COL19A1: variants seen among roughly 807,000 people sequenced by gnomAD.
COL19A1 encodes the protein collagen alpha-1(XIX) chain.
A neutral mutation model predicts 190.2 loss-of-function variants in COL19A1; 159 were observed. That is an observed-to-expected ratio of 0.84 (90% CI 0.73 to 0.95). The LOEUF is 0.95. COL19A1 is among the 40% of genes least tolerant of loss of function. COL19A1 has a pLI of 0.00. For synonymous variants in COL19A1, 509 were observed against 458.9 expected (o/e 1.11, Z -1.39); for missense variants, 1,418 against 1,431.9 (o/e 0.99, Z 0.16).
At chr6:69,993,524 T>G (rs28834175) in intron 11 of COL19A1, among the ~76,000 whole-genome samples, 2 of 152,108 alleles carry the variant, frequency 1.3e-5, no homozygotes, top group Non-Finnish European at 1.5e-5. Context: ...GTAGTTTCAG[T>G]AGGATTGGTA....
At chr6:70,151,530 T>C (rs1282992485) in intron 31 of COL19A1, 92 bp downstream of exon 31, 3 of 1,244,498 alleles carry the variant, frequency 2.4e-6, no homozygotes, top group Admixed American at 1.8e-5. Flanking sequence ...ATTGCTTAGC[T>C]GGAACTAAAA....
At chr6:70,032,438 C>T (rs1779125953) in intron 12 of COL19A1, among the ~76,000 whole-genome samples, 1 of 151,890 alleles carries the variant, frequency 6.6e-6, no homozygotes, top group Admixed American at 6.6e-5. Flanking sequence ...TAAAGTCGTA[C>T]TAATCAATAG....
At chr6:70,160,530 A>G (rs572118485) in intron 34 of COL19A1, among the ~76,000 whole-genome samples, 32 of 152,152 alleles carry the variant, frequency 2.1e-4, no homozygotes, top group Non-Finnish European at 4.0e-4. Context: ...TTTCCCAAGC[A>G]AATTCATTTG....
chr6:70,129,302 G>A (rs896738537), intron 17 of COL19A1, among the ~76,000 whole-genome samples: 17 of 152,202 alleles, frequency 1.1e-4, no homozygotes, highest in African/African-American at 3.9e-4. Flanking sequence ...AGAATAGGTA[G>A]GTAGTCAGAG....
intron 16 of COL19A1, among the ~76,000 whole-genome samples, chr6:70,121,168 G>A (rs1353115005): frequency 3.3e-5 from 5 of 152,030 alleles, no homozygotes; most frequent in African/African-American, 1.2e-4. Context: ...GCTAATCTTT[G>A]TGTTTTTTTA....
chr6:69,883,646 A>T (rs886860025), intron 2 of COL19A1, among the ~76,000 whole-genome samples: 2 of 152,148 alleles, frequency 1.3e-5, no homozygotes, highest in Non-Finnish European at 2.9e-5. Context: ...CCCTCACTAA[A>T]CTGCAAAGAG....
intron 2 of COL19A1, among the ~76,000 whole-genome samples, chr6:69,888,162 G>A (rs6940876): frequency 0.16 from 23,796 of 152,098 alleles, 2,191 homozygotes; most frequent in East Asian, 0.24. Context: ...TTGCATTACC[G>A]TTTAGAGTTT....
chr6:70,151,135 T>G (rs1349676392), intron 30 of COL19A1, among the ~76,000 whole-genome samples: 1 of 152,188 alleles, frequency 6.6e-6, no homozygotes, highest in Non-Finnish European at 1.5e-5. Context: ...AAAATAGGGA[T>G]GCACAGTCAA....
chr6:70,188,768 A>G (rs1247940218), intron 47 of COL19A1, among the ~76,000 whole-genome samples: 1 of 152,228 alleles, frequency 6.6e-6, no homozygotes, highest in East Asian at 1.9e-4. Context: ...AAGGAAGCCC[A>G]TATCTTTATT....
intron 11 of COL19A1, among the ~76,000 whole-genome samples, chr6:69,973,598 TA>T (rs995503583): frequency 2.0e-5 from 3 of 147,864 alleles, no homozygotes; most frequent in South Asian, 4.5e-4. Flanking sequence ...TTTTAATGTA[TA>T]AAAAAAAGAT....
In COL19A1 at chr6:70,020,523, T is replaced by C. The variant is rs1778358671; in HGVS notation, c.1027-3104T>C. Among the ~76,000 whole-genome samples the C allele has an allele frequency of 2.6e-5, 4 of 152,172 alleles. No individual in the cohort carries two copies. In the South Asian group the frequency reaches 8.3e-4, roughly 31 times the overall value. ...TGCAGGATTGCACATTTGTTCCTAA[T>C]AAATTTCAAGTTGTTTATTACAGCA... On this transcript the variant is annotated intron_variant, in intron 11 of 50. Transcript: ENST00000620364.
At chr6:69,982,867 G>A (rs534342086) in intron 11 of COL19A1, among the ~76,000 whole-genome samples, 1 of 151,644 alleles carries the variant, frequency 6.6e-6, no homozygotes, top group African/African-American at 2.4e-5. Flanking sequence ...AGCTACTCAG[G>A]AGGCTGAGGC....
intron 48 of COL19A1, among the ~76,000 whole-genome samples, chr6:70,194,212 C>T (rs554070766): frequency 1.8e-4 from 27 of 152,326 alleles, no homozygotes; most frequent in Admixed American, 1.4e-3. Flanking sequence ...TGCTCTCCAA[C>T]TTTATCATCC....
At chr6:70,090,044 G>A (rs78451737) in intron 15 of COL19A1, among the ~76,000 whole-genome samples, 7,698 of 152,116 alleles carry the variant, frequency 0.051, 256 homozygotes, top group Non-Finnish European at 0.075. Flanking sequence ...TAAGTATGGT[G>A]GCACATACCT....
intron 3 of COL19A1, 74 bp from the exon 4 acceptor site, chr6:69,900,165 G>C: frequency 1.1e-6 from 1 of 928,972 alleles, no homozygotes; most frequent in South Asian, 2.3e-5. Flanking sequence ...ATAGATAAGG[G>C]CAACACAAAA....
At chr6:70,006,815 G>C (rs1777659738) in intron 11 of COL19A1, among the ~76,000 whole-genome samples, 1 of 151,884 alleles carries the variant, frequency 6.6e-6, no homozygotes, top group Non-Finnish European at 1.5e-5. Flanking sequence ...CAAGAAAATG[G>C]AGAGGAAATA....
At chr6:70,169,456 T>A (rs1042459931) in intron 40 of COL19A1, among the ~76,000 whole-genome samples, 1 of 152,130 alleles carries the variant, frequency 6.6e-6, no homozygotes, top group Non-Finnish European at 1.5e-5. Flanking sequence ...TGAAAAAAAA[T>A]TTAAAGCCTT....
chr6:70,184,551 A>T, intron 44 of COL19A1, 152 bp from the exon 45 acceptor site: 1 of 642,818 alleles, frequency 1.6e-6, no homozygotes. Context: ...GGACTGTCAG[A>T]TTCTATTTAT....
chr6:70,046,105 C>A (rs933837205), intron 14 of COL19A1, among the ~76,000 whole-genome samples: 2 of 152,184 alleles, frequency 1.3e-5, no homozygotes, highest in Admixed American at 6.5e-5. Flanking sequence ...AGATATCTTG[C>A]TCCTGTAAAC....
Sources: allele counts gnomAD v4.1 joint callset (sites outside exome capture counted in the v4.1 genomes callset), GRCh38; gene constraint gnomAD v4.1.1; transcripts MANE v1.5; gene names NCBI Gene and HGNC (gene_info 2026-07-23, HGNC 2026-07-21).